Variants in FTO observed in about 807,000 individuals in gnomAD.
The protein encoded by FTO is alpha-ketoglutarate-dependent dioxygenase FTO.
Under a neutral mutation model 63.9 loss-of-function variants are expected in FTO, and 47 were observed. The ratio of observed to expected loss-of-function variants is 0.74; its 90% CI spans 0.58 to 0.94. FTO has a LOEUF of 0.94. Among genes scored for constraint, FTO ranks in the 40% least tolerant of loss-of-function variants. The probability of loss-of-function intolerance (pLI) is 0.00; values close to 1 mark genes in which losing one functional copy is unlikely to be tolerated. For missense variants in FTO, 562 were observed against 618.1 expected (o/e 0.91, Z 0.96); for synonymous variants, 207 against 224.4 (o/e 0.92, Z 0.69).
At chr16:54,093,416 T>C (rs2086441821) in intron 8 of FTO, among the ~76,000 whole-genome samples, 1 of 152,186 alleles carries the variant, frequency 6.6e-6, no homozygotes. Flanking sequence ...AATTCTAACT[T>C]AGCAGTCTGC....
intron 1 of FTO, among the ~76,000 whole-genome samples, chr16:53,738,919 G>A (rs115563701): frequency 0.052 from 7,847 of 150,796 alleles, 672 homozygotes; most frequent in African/African-American, 0.18. Flanking sequence ...TGATTCACTG[G>A]AGCCTCAACC....
intron 1 of FTO, among the ~76,000 whole-genome samples, chr16:53,752,065 A>T (rs549460051): frequency 7.2e-5 from 11 of 152,348 alleles, no homozygotes; most frequent in South Asian, 6.2e-4. Context: ...AAGAATATTC[A>T]TTGTGGCATT....
intron 7 of FTO, among the ~76,000 whole-genome samples, chr16:53,897,605 G>C (rs2081306431): frequency 6.6e-6 from 1 of 152,174 alleles, no homozygotes; most frequent in East Asian, 1.9e-4. Flanking sequence ...AATTTTACTT[G>C]ATGACATAAA....
chr16:53,824,552 G>A (rs951241627), intron 2 of FTO, among the ~76,000 whole-genome samples: 2 of 152,054 alleles, frequency 1.3e-5, no homozygotes, highest in African/African-American at 4.8e-5. Context: ...AGAAAGCTTT[G>A]TGAGAACAGG....
Position 54,018,130 on chromosome 16 carries a change from G to A in FTO, c.1364+84021G>A, listed in dbSNP as rs75057704. On this transcript the variant is annotated intron_variant, in intron 8 of 8. Coordinates refer to ENST00000471389, the MANE Select transcript of FTO (RefSeq NM_001080432.3). ...TTGAATCATCTTTTGTAATGGATGC[G>A]TAATACTCTACCAAATATAGAGTAT... Among the ~76,000 whole-genome samples the A allele has an allele frequency of 5.8e-3, 886 of 151,954 alleles. 3 individuals are homozygous for A. Among genetic ancestry groups the A allele is most frequent in the Non-Finnish European group, 9.5e-3 (646 of 67,988 alleles).
chr16:53,966,527 A>G (rs774878530), intron 8 of FTO, among the ~76,000 whole-genome samples: 12 of 152,236 alleles, frequency 7.9e-5, no homozygotes, highest in African/African-American at 7.2e-5. Flanking sequence ...TTGATTTCTC[A>G]GTCTACAACA....
At chr16:53,896,723 G>A (rs1410443691) in intron 7 of FTO, among the ~76,000 whole-genome samples, 1 of 152,100 alleles carries the variant, frequency 6.6e-6, no homozygotes, top group East Asian at 1.9e-4. Context: ...TCCTTACTTC[G>A]AGGCCGGTTG....
intron 8 of FTO, among the ~76,000 whole-genome samples, chr16:54,102,212 C>A (rs1256402706): frequency 6.6e-6 from 1 of 152,096 alleles, no homozygotes; most frequent in Non-Finnish European, 1.5e-5. Context: ...GGAAGACAAA[C>A]TAGGCAATAG....
At chr16:53,721,078 C>T (rs1361725547) in intron 1 of FTO, among the ~76,000 whole-genome samples, 1 of 152,180 alleles carries the variant, frequency 6.6e-6, no homozygotes, top group Non-Finnish European at 1.5e-5. Flanking sequence ...GTATGAGCCA[C>T]TGCACCTGGC....
chr16:53,862,917 G>C (rs191849506), intron 4 of FTO, among the ~76,000 whole-genome samples: 8 of 152,088 alleles, frequency 5.3e-5, no homozygotes, highest in South Asian at 2.1e-4. Context: ...CATGTCTAAG[G>C]TTTTCCATCA....
intron 1 of FTO, among the ~76,000 whole-genome samples, chr16:53,788,085 A>T (rs925290172): frequency 6.6e-6 from 1 of 152,204 alleles, no homozygotes; most frequent in African/African-American, 2.4e-5. Context: ...TGTCTGTCCC[A>T]TCAAGTGATG....
intron 5 of FTO, among the ~76,000 whole-genome samples, chr16:53,878,068 G>C (rs1418872247): frequency 1.3e-5 from 2 of 152,176 alleles, no homozygotes; most frequent in East Asian, 1.9e-4. Context: ...GGAGGCTGAG[G>C]GGGGTGGATC....
At chr16:53,805,800 T>A (rs1278534607) in intron 1 of FTO, among the ~76,000 whole-genome samples, 1 of 152,130 alleles carries the variant, frequency 6.6e-6, no homozygotes, top group Non-Finnish European at 1.5e-5. Flanking sequence ...GCTAGAGCTG[T>A]GGAAATGGGT....
chr16:53,777,238 A>G (rs2077481628), intron 1 of FTO, among the ~76,000 whole-genome samples: 1 of 152,106 alleles, frequency 6.6e-6, no homozygotes, highest in Non-Finnish European at 1.5e-5. Context: ...AAACTCTGGC[A>G]ATTACTGTTC....
intron 1 of FTO, among the ~76,000 whole-genome samples, chr16:53,744,765 G>A (rs541344856): frequency 6.6e-6 from 1 of 152,264 alleles, no homozygotes; most frequent in East Asian, 1.9e-4. Flanking sequence ...AAGATGGAAA[G>A]CTTAACGTGA....
chr16:53,713,985 T>C (rs1035944062), intron 1 of FTO, among the ~76,000 whole-genome samples: 6 of 152,202 alleles, frequency 3.9e-5, no homozygotes, highest in Admixed American at 2.6e-4. Context: ...CCTGTTGCTA[T>C]GCTGATCATT....
chr16:54,079,868 T>A (rs1443112604), intron 8 of FTO, among the ~76,000 whole-genome samples: 1 of 152,200 alleles, frequency 6.6e-6, no homozygotes, highest in East Asian at 1.9e-4. Flanking sequence ...AAGATCTCTA[T>A]TTATTTTTCT....
chr16:53,834,458 G>C (rs140765469), intron 3 of FTO, among the ~76,000 whole-genome samples: 23 of 152,232 alleles, frequency 1.5e-4, no homozygotes, highest in African/African-American at 5.1e-4. Flanking sequence ...GTATTAATTA[G>C]CTATGGGACC....
intron 8 of FTO, among the ~76,000 whole-genome samples, chr16:54,066,897 C>T (rs570402601): frequency 6.6e-6 from 1 of 152,336 alleles, no homozygotes; most frequent in African/African-American, 2.4e-5. Flanking sequence ...TACTGCACAG[C>T]CAAGTATGCT....
Sources: gnomAD v4.1 joint callset for allele counts (sites outside exome capture counted in the v4.1 genomes callset) on GRCh38, gnomAD v4.1.1 for gene constraint, MANE v1.5 for transcripts, NCBI Gene and HGNC (gene_info 2026-07-23, HGNC 2026-07-21) for gene names.